The following IL6R variants were observed in gnomAD, a reference collection of about 807,000 sequenced individuals.
IL6R encodes interleukin-6 receptor subunit alpha.
A neutral mutation model predicts 48.3 loss-of-function variants in IL6R; 38 were observed. That is an observed-to-expected ratio of 0.79 (90% CI 0.61 to 1.03). The LOEUF (loss-of-function observed/expected upper bound fraction) is 1.03. IL6R is among the 50% of genes least tolerant of loss of function. The probability of loss-of-function intolerance (pLI) is 0.00; values close to 1 mark genes in which losing one functional copy is unlikely to be tolerated. For missense variants in IL6R, 534 were observed against 618.3 expected (o/e 0.86, Z 1.45); for synonymous variants, 264 against 256.2 (o/e 1.03, Z -0.29).
At position 154,405,455 on chromosome 1, in the gene IL6R, C is replaced by A; in HGVS notation, c.-175C>A. On this transcript the variant is annotated 5_prime_UTR_variant, in exon 1 of 10. Transcript: ENST00000368485. This position sits in a 1 kb window ranked among gnomAD's most constrained non-coding sequence, Gnocchi z 5.2. ...GAGAGGAGCCGAGCGCGGCGCGGGG[C>A]CGAGGGACTCGCAGTGTGTGTAGAG... 2 of 574,644 alleles carry A rather than the reference C, an allele frequency of 3.5e-6. No homozygotes were observed. Among genetic ancestry groups the A allele is most frequent in the Admixed American group, 3.9e-5 (1 of 25,682 alleles). 35.6% of individuals were successfully genotyped at this position (574,644 alleles called of 1,614,324 possible). A position where few individuals can be genotyped will look rare whatever the true frequency, so the allele number is the denominator to read the frequency against.
At chr1:154,435,886 G>C in intron 5 of IL6R, 83 bp from the exon 6 acceptor site, 1 of 1,269,396 alleles carries the variant, frequency 7.9e-7, no homozygotes, top group Non-Finnish European at 1.1e-6. Flanking sequence ...CACAGGGCTG[G>C]CCAAGGCACC....
In IL6R at chr1:154,434,758, T is replaced by A. The variant is rs543285400; in HGVS notation, c.640+58T>A. ...TCCTTCTCTTTTGATTTAATACTCC[T>A]TATCGACTTCTCAGAGTGGCAGGGA... On this transcript the variant is annotated intron_variant, in intron 4 of 9. Coordinates refer to ENST00000368485, the MANE Select transcript of IL6R (RefSeq NM_000565.4). 205 of 1,513,256 alleles carry A rather than the reference T, an allele frequency of 1.4e-4. No individual in the cohort carries two copies. The African/African-American group carries it at 2.6e-3, about 19-fold the overall frequency. The allele number at this position is 1,513,256 out of a possible 1,614,324, so 93.7% of individuals were successfully genotyped here.
chr1:154,438,271 G>A (rs967339669), intron 6 of IL6R, among the ~76,000 whole-genome samples: 19 of 151,678 alleles, frequency 1.3e-4, no homozygotes, highest in Non-Finnish European at 1.5e-5. Context: ...GCTATGAAAG[G>A]TTAGGATTTA....
At chr1:154,464,990 A>G (rs1024395181) in intron 9 of IL6R, 144 bp from the exon 10 acceptor site, 8 of 860,460 alleles carry the variant, frequency 9.3e-6, no homozygotes, top group Non-Finnish European at 1.3e-5. Flanking sequence ...AAACAAAAAG[A>G]CAGCTGATAG....
chr1:154,465,000 G>C (rs74468347), intron 9 of IL6R, 134 bp from the exon 10 acceptor site: 1 of 918,730 alleles, frequency 1.1e-6, no homozygotes, highest in Non-Finnish European at 1.7e-6. Context: ...ACAGCTGATA[G>C]TTATTGCTCC....
chr1:154,415,277 TA>T, intron 1 of IL6R: 1 of 558,998 alleles, frequency 1.8e-6, no homozygotes, highest in East Asian at 3.2e-5. Flanking sequence ...TTTAAAAGTT[TA>T]AATATTTGAT....
rs570070482 is a variant in IL6R at position 154,460,910 on chromosome 1, C to T, written c.1161-4224C>T. 1.8e-4 allele frequency among the ~76,000 whole-genome samples: 27 copies of T among 152,230 alleles called. No individual in the cohort carries two copies. In the East Asian group the frequency reaches 4.6e-3, roughly 26 times the overall value. On this transcript the variant is annotated intron_variant, in intron 9 of 9. Transcript: ENST00000368485. The stretch of plus-strand genomic sequence containing the variant: ...GATAAAGAGAAAGCACCTGGGCCTG[C>T]GGGACCACTACTATCAAGATGCAGA...
intron 1 of IL6R, chr1:154,418,498 G>T: frequency 1.3e-6 from 1 of 772,258 alleles, no homozygotes; most frequent in Non-Finnish European, 1.6e-6. Context: ...GGGGGAGGAG[G>T]GAGCAGGGGC....
intron 3 of IL6R, among the ~76,000 whole-genome samples, chr1:154,431,477 G>T (rs1239261403): frequency 2.6e-5 from 4 of 152,172 alleles, no homozygotes; most frequent in South Asian, 2.1e-4. Context: ...ACTTATGATA[G>T]TTTAATTTAT....
Position 154,429,315 on chromosome 1 carries a change from T to C in IL6R, c.205T>C (p.Ser69Pro), listed in dbSNP as rs773375947. The change falls in exon 2 of 10, where the codon TCC becomes CCC. Residue 69 changes from serine (S) to proline (P), a missense_variant. Coordinates refer to ENST00000368485, the MANE Select transcript of IL6R (RefSeq NM_000565.4). The stretch of plus-strand genomic sequence containing the variant: ...GGTGCTCAGGAAGCCGGCTGCAGGC[T>C]CCCACCCCAGCAGATGGGCTGGCAT... ...HWVLRKPAAG[S>P]HPSRWAGMGR... 1.6e-5 allele frequency: 26 copies of C among 1,613,830 alleles called. No homozygotes were observed. In the South Asian group the frequency reaches 2.6e-4, roughly 16 times the overall value.
chr1:154,466,071 G>A lies in IL6R; in HGVS notation c.*691G>A, dbSNP rs1691539924. On this transcript the variant is annotated 3_prime_UTR_variant, in exon 10 of 10. Transcript: ENST00000368485. Reference sequence around the variant, plus strand: ...TAGCATTTTGCTAAATGTGAATGATGATCCTAGGCATTTGCTGAATACAGA... The same window carrying A: ...TAGCATTTTGCTAAATGTGAATGATAATCCTAGGCATTTGCTGAATACAGA... The A allele has an allele frequency of 6.5e-6, 1 of 152,922 alleles. No homozygotes were observed. The highest frequency in any genetic ancestry group is 1.5e-5 in the Non-Finnish European group (1 of 68,272). The allele number at this position is 152,922 out of a possible 1,614,324, so 9.5% of individuals were successfully genotyped here.
In IL6R at chr1:154,440,655, C is replaced by CTTT. The variant is rs35390021; in HGVS notation, c.949+4560_949+4562dup. On this transcript the variant is annotated intron_variant, in intron 6 of 9. Transcript: ENST00000368485. ...TTTGCATTTCCCTAATGATTAATGT[C>CTTT]TTTTTTTTTTTTTTTTTGAGACAGA... 6.9e-3 allele frequency among the ~76,000 whole-genome samples: 929 copies of CTTT among 134,918 alleles called. 24 individuals are homozygous for CTTT. Among genetic ancestry groups the CTTT allele is most frequent in the African/African-American group, 0.016 (586 of 36,634 alleles). The allele number at this position is 134,918 out of a possible 152,430, so 88.5% of individuals were successfully genotyped here.
At chr1:154,460,665 G>A (rs991377964) in intron 9 of IL6R, among the ~76,000 whole-genome samples, 5 of 152,052 alleles carry the variant, frequency 3.3e-5, no homozygotes, top group African/African-American at 9.7e-5. Context: ...TGTGTACAGC[G>A]CCATGAAGTG....
At chr1:154,428,819 G>A (rs1266830351) in intron 1 of IL6R, among the ~76,000 whole-genome samples, 3 of 152,176 alleles carry the variant, frequency 2.0e-5, no homozygotes, top group Non-Finnish European at 2.9e-5. Flanking sequence ...GGAGGAGAGC[G>A]AGGGGAGTTG....
intron 6 of IL6R, 95 bp downstream of exon 6, chr1:154,436,205 CT>C: frequency 7.1e-7 from 1 of 1,400,754 alleles, no homozygotes; most frequent in Non-Finnish European, 9.7e-7. Context: ...AAACTAGTGG[CT>C]TAGGCCAGGT....
intron 5 of IL6R, 131 bp from the exon 6 acceptor site, chr1:154,435,838 G>A: frequency 1.4e-6 from 1 of 717,930 alleles, no homozygotes; most frequent in Non-Finnish European, 2.2e-6. Flanking sequence ...AGAGCCTCTG[G>A]GGTTGTGGGA....
intron 9 of IL6R, 92 bp from the exon 10 acceptor site, chr1:154,465,042 C>T: frequency 6.6e-7 from 1 of 1,521,158 alleles, no homozygotes; most frequent in Non-Finnish European, 9.1e-7. Context: ...GCCAGGCCAC[C>T]AGGGCAGCCA....
Position 154,436,110 on chromosome 1 carries a change from G to C in IL6R, c.949G>C (p.Glu317Gln), listed in dbSNP as rs781190233. ...GGAGGCCATGGGCACGCCTTGGACA[G>C]GTACTGCGGTGGGCACTGAGAAAGG... is the stretch of plus-strand genomic sequence containing the variant. ...SPEAMGTPWT[E>Q]SRSPPAENEV... Residue 317 changes from glutamate (E) to glutamine (Q), a missense_variant and splice_region_variant, in exon 6 of 10, where the codon GAA (glutamate) becomes CAA (glutamine). By Grantham distance (29) the Glu-to-Gln change is conservative (BLOSUM62 2). Transcript: ENST00000368485. 35 of 1,600,274 alleles carry C rather than the reference G, an allele frequency of 2.2e-5. No individual in the cohort carries two copies. In the South Asian group the frequency reaches 3.8e-4, roughly 17 times the overall value.
At chr1:154,414,920 G>C (rs919752663) in intron 1 of IL6R, 5 of 1,008,398 alleles carry the variant, frequency 5.0e-6, no homozygotes, top group Non-Finnish European at 4.6e-6. Flanking sequence ...GTCATGTGGC[G>C]CTGGAAGGAG....
Sources: allele counts gnomAD v4.1 joint callset (sites outside exome capture counted in the v4.1 genomes callset), GRCh38; gene constraint gnomAD v4.1.1; non-coding constraint Gnocchi (gnomAD v3.1); transcripts MANE v1.5; gene names NCBI Gene and HGNC (gene_info 2026-07-23, HGNC 2026-07-21).